The following TFF3 variants were observed in gnomAD, a reference collection of about 807,000 sequenced individuals.
The protein encoded by TFF3 is trefoil factor 3.
Under a neutral mutation model 9.7 loss-of-function variants are expected in TFF3, and 6 were observed. The ratio of observed to expected loss-of-function variants is 0.62; its 90% CI spans 0.34 to 1.22. The LOEUF is 1.22. Ranked by LOEUF, TFF3 falls within the 50% of genes most tolerant of loss-of-function variation. The pLI is 0.04. For missense variants in TFF3, 93 were observed against 98.6 expected (o/e 0.94, Z 0.24); for synonymous variants, 48 against 41.4 (o/e 1.16, Z -0.61).
chr21:42,312,644 G>T (rs1280338355), intron 2 of TFF3, among the ~76,000 whole-genome samples: 3 of 152,146 alleles, frequency 2.0e-5, no homozygotes, highest in Non-Finnish European at 4.4e-5. Flanking sequence ...ACTTGCTGGG[G>T]AGGGTGAAGG....
rs1371473529 is a variant in TFF3, at chr21:42,313,577, T to A, written c.137A>T (p.His46Leu). 6.2e-7 allele frequency: 1 copy of A among 1,611,206 alleles called. No individual in the cohort carries two copies. ...AKDRVDCGYP[H>L]VTPKECNNRG... ...GTTGTTGCACTCCTTGGGGGTGACATGGGGGTAGCCGCAGTCCACCCTGTC... is the reference window on the plus strand; with the variant it reads ...GTTGTTGCACTCCTTGGGGGTGACAAGGGGGTAGCCGCAGTCCACCCTGTC... The change falls in exon 2 of 3, where the codon CAT becomes CTT. Residue 46 changes from histidine to leucine, a missense_variant. Coordinates refer to ENST00000518498, the MANE Select transcript of TFF3 (RefSeq NM_003226.4). The surrounding 1 kb of genome is among the most constrained non-coding windows in gnomAD (Gnocchi z 4.0).
chr21:42,313,336 G>A lies in TFF3; in HGVS notation c.229+149C>T. Reference sequence around the variant, plus strand: ...TGGCCATGGCTGCCCTAAGTGTGAAGCCTCTGCTCTGAGGCCTTGGAACAG... The same window carrying A: ...TGGCCATGGCTGCCCTAAGTGTGAAACCTCTGCTCTGAGGCCTTGGAACAG... On this transcript the variant is annotated intron_variant, in intron 2 of 2. Transcript: ENST00000518498. The surrounding 1 kb of genome is among the most constrained non-coding windows in gnomAD (Gnocchi z 4.0). 2 of 903,806 alleles carry A rather than the reference G, an allele frequency of 2.2e-6. No individual in the cohort carries two copies. Among genetic ancestry groups the A allele is most frequent in the Non-Finnish European group, 1.6e-6 (1 of 624,936 alleles). The allele number at this position is 903,806 out of a possible 1,614,324, so 56.0% of individuals were successfully genotyped here.
intron 2 of TFF3, 136 bp from the exon 3 acceptor site, chr21:42,312,405 C>T (rs544259426): frequency 2.9e-6 from 3 of 1,041,634 alleles, no homozygotes; most frequent in African/African-American, 3.1e-5. Flanking sequence ...GTTGAGTCCC[C>T]ACCACATGGG....
In TFF3 at chr21:42,313,368, G is replaced by T; in HGVS notation, c.229+117C>A. On this transcript the variant is annotated intron_variant, in intron 2 of 2. Coordinates refer to ENST00000518498, the MANE Select transcript of TFF3 (RefSeq NM_003226.4). This position sits in a 1 kb window ranked among gnomAD's most constrained non-coding sequence, Gnocchi z 4.0. ...CTCTGAGGCCTTGGAACAGGTGTGT[G>T]TGTGTGGCTTCCTGGGGTCCTTGTG... 2 of 1,264,804 alleles carry T rather than the reference G, an allele frequency of 1.6e-6. No individual in the cohort carries two copies. The highest frequency in any genetic ancestry group is 2.2e-6 in the Non-Finnish European group (2 of 926,788). The allele number at this position is 1,264,804 out of a possible 1,614,324, so 78.3% of individuals were successfully genotyped here. A position where few individuals can be genotyped will look rare whatever the true frequency, so the allele number is the denominator to read the frequency against.
intron 1 of TFF3, 120 bp downstream of exon 1, chr21:42,315,173 G>A (rs750132026): frequency 2.2e-4 from 291 of 1,331,774 alleles, no homozygotes; most frequent in South Asian, 1.4e-3. Context: ...AAGGGCTAGC[G>A]CAGGAAAAAG....
rs547909909 is a variant in TFF3 at position 42,312,027 on chromosome 21, G to A, written c.*229C>T. On this transcript the variant is annotated 3_prime_UTR_variant, in exon 3 of 3. Transcript: ENST00000518498. The stretch of plus-strand genomic sequence containing the variant: ...TCCCGCCCTCTCCCACGACGCAGCA[G>A]AAATAAAGCACAACCTCAGAAAGTC... 1.1e-5 allele frequency: 8 copies of A among 719,168 alleles called. No homozygotes were observed. In the African/African-American group the frequency reaches 1.4e-4, roughly 13 times the overall value. 44.5% of individuals were successfully genotyped at this position (719,168 alleles called of 1,614,324 possible).
chr21:42,314,928 A>G (rs555972140), intron 1 of TFF3, among the ~76,000 whole-genome samples: 1 of 152,352 alleles, frequency 6.6e-6, no homozygotes, highest in East Asian at 1.9e-4. Flanking sequence ...TTCTGAAGTC[A>G]GGGTTTTTCT....
At chr21:42,312,459 G>A (rs1452384229) in intron 2 of TFF3, among the ~76,000 whole-genome samples, 190 bp from the exon 3 acceptor site, 1 of 152,218 alleles carries the variant, frequency 6.6e-6, no homozygotes, top group Non-Finnish European at 1.5e-5. Flanking sequence ...GCAAGATAGT[G>A]GGACCCAGGG....
At position 42,313,872 on chromosome 21, in the gene TFF3, G is replaced by A. The variant is rs1214942598; in HGVS notation, c.83-241C>T. Among the ~76,000 whole-genome samples, 1 of 152,110 alleles carries A rather than the reference G, an allele frequency of 6.6e-6. No individual in the cohort carries two copies. The highest frequency in any genetic ancestry group is 1.5e-5 in the Non-Finnish European group (1 of 68,016). Reference sequence around the variant, plus strand: ...GCCTAAGTGTCTTTCTCCTTGGCACGCTCTTATCACCTTCTCGGGAAGTCA... The same window carrying A: ...GCCTAAGTGTCTTTCTCCTTGGCACACTCTTATCACCTTCTCGGGAAGTCA... On this transcript the variant is annotated intron_variant, in intron 1 of 2. Coordinates refer to ENST00000518498, the MANE Select transcript of TFF3 (RefSeq NM_003226.4). This position sits in a 1 kb window ranked among gnomAD's most constrained non-coding sequence, Gnocchi z 4.0.
intron 2 of TFF3, among the ~76,000 whole-genome samples, chr21:42,312,850 C>T (rs1268184722): frequency 6.6e-6 from 1 of 152,152 alleles, no homozygotes; most frequent in South Asian, 2.1e-4. Flanking sequence ...AGCCAATCGC[C>T]CCACCCACGA....
Position 42,311,900 on chromosome 21 carries a change from C to T in TFF3, c.*356G>A, listed in dbSNP as rs1433283851. 7 of 476,464 alleles carry T rather than the reference C, an allele frequency of 1.5e-5. No individual in the cohort carries two copies. Among genetic ancestry groups the T allele is most frequent in the Admixed American group, 3.6e-5 (1 of 27,888 alleles). The allele number at this position is 476,464 out of a possible 1,614,324, so 29.5% of individuals were successfully genotyped here. A position where few individuals can be genotyped will look rare whatever the true frequency, so the allele number is the denominator to read the frequency against. ...ACAGTGTTCCTAGGCTTTCCTGTGA[C>T]GTGGGTGCCAGTCTGGATTCAAAAT... On this transcript the variant is annotated 3_prime_UTR_variant, in exon 3 of 3. Coordinates refer to ENST00000518498, the MANE Select transcript of TFF3 (RefSeq NM_003226.4).
intron 1 of TFF3, among the ~76,000 whole-genome samples, chr21:42,314,675 A>G (rs1241986240): frequency 6.6e-6 from 1 of 152,220 alleles, no homozygotes; most frequent in Non-Finnish European, 1.5e-5. Flanking sequence ...TGAGGCCTGG[A>G]TCTTGCCTGG....
chr21:42,315,352 A>G lies in TFF3; in HGVS notation c.23T>C (p.Met8Thr), dbSNP rs759007448. MAARALC[M>T]LGLVLALLSS... is the part of the protein sequence containing the mutation. ...CAGCAAGGCCAGGACCAGCCCCAGC[A>G]TGCAGAGCGCTCTGGCAGCCATGAC... The change falls in exon 1 of 3, where the codon ATG becomes ACG. Residue 8 changes from methionine to threonine, a missense_variant. Physicochemically the swap from Met to Thr is moderately conservative, Grantham distance 81. Transcript: ENST00000518498. The G allele has an allele frequency of 1.9e-6, 3 of 1,614,188 alleles. No individual in the cohort carries two copies. Among genetic ancestry groups the G allele is most frequent in the Non-Finnish European group, 2.5e-6 (3 of 1,180,024 alleles).
At position 42,312,268 on chromosome 21, in the gene TFF3, T is replaced by C. The variant is rs2069335168; in HGVS notation, c.231A>G (p.Glu77=). The C allele has an allele frequency of 6.2e-7, 1 of 1,609,020 alleles. No homozygotes were observed. The highest frequency in any genetic ancestry group is 8.5e-7 in the Non-Finnish European group (1 of 1,177,546). The change falls in exon 3 of 3, where the codon GAA becomes GAG. Residue 77 remains glutamate, a splice_region_variant and synonymous_variant. Transcript: ENST00000518498. ...PWCFKPLQEA[E]CTF ...AGCTGGAGGTGCCTCAGAAGGTGCATTCTGCAAACAGAGCAAAGGCTTGTG... is the reference window on the plus strand; with the variant it reads ...AGCTGGAGGTGCCTCAGAAGGTGCACTCTGCAAACAGAGCAAAGGCTTGTG...
rs762238589 is a variant in TFF3, at chr21:42,313,720, C to T, written c.83-89G>A. 24 of 1,442,312 alleles carry T rather than the reference C, an allele frequency of 1.7e-5. No individual in the cohort carries two copies. In the Middle Eastern group the frequency reaches 7.3e-4, roughly 44 times the overall value. 89.3% of individuals were successfully genotyped at this position (1,442,312 alleles called of 1,614,324 possible). ...TTCACTTTGCAAGTTTGCATCCTCC[C>T]GCTCCGCCCCACCCCGCCGAGTTCA... is the stretch of plus-strand genomic sequence containing the variant. On this transcript the variant is annotated intron_variant, in intron 1 of 2. Transcript: ENST00000518498. This position sits in a 1 kb window ranked among gnomAD's most constrained non-coding sequence, Gnocchi z 4.0.
In TFF3 at chr21:42,313,383, G is replaced by T; in HGVS notation, c.229+102C>A. 1 of 1,400,706 alleles carries T rather than the reference G, an allele frequency of 7.1e-7. No individual in the cohort carries two copies. The highest frequency in any genetic ancestry group is 2.4e-5 in the East Asian group (1 of 40,826). The allele number at this position is 1,400,706 out of a possible 1,614,324, so 86.8% of individuals were successfully genotyped here. On this transcript the variant is annotated intron_variant, in intron 2 of 2. Transcript: ENST00000518498. This position sits in a 1 kb window ranked among gnomAD's most constrained non-coding sequence, Gnocchi z 4.0. ...ACAGGTGTGTGTGTGTGGCTTCCTG[G>T]GGTCCTTGTGCCTCCATCTCCAGCC... is the stretch of plus-strand genomic sequence containing the variant.
rs373136844 is a variant in TFF3 at position 42,313,588 on chromosome 21, G to A, written c.126C>T (p.Cys42=). Residue 42 remains cysteine, a synonymous_variant, in exon 2 of 3, where the codon TGC becomes TGT. Coordinates refer to ENST00000518498, the MANE Select transcript of TFF3 (RefSeq NM_003226.4). The surrounding 1 kb of genome is among the most constrained non-coding windows in gnomAD (Gnocchi z 4.0). ...CCTTGGGGGTGACATGGGGGTAGCCGCAGTCCACCCTGTCCTTGGCTGGCA... is the reference window on the plus strand; with the variant it reads ...CCTTGGGGGTGACATGGGGGTAGCCACAGTCCACCCTGTCCTTGGCTGGCA... The part of the protein sequence containing the change: ...CAVPAKDRVD[C]GYPHVTPKEC... 12 of 1,610,934 alleles carry A rather than the reference G, an allele frequency of 7.4e-6. No homozygotes were observed. The highest frequency in any genetic ancestry group is 1.3e-5 in the African/African-American group (1 of 74,786).
chr21:42,311,999 C>T lies in TFF3; in HGVS notation c.*257G>A, dbSNP rs1030771980. 1 of 672,582 alleles carries T rather than the reference C, an allele frequency of 1.5e-6. No individual in the cohort carries two copies. The highest frequency in any genetic ancestry group is 2.7e-6 in the Non-Finnish European group (1 of 365,670). The allele number at this position is 672,582 out of a possible 1,614,324, so 41.7% of individuals were successfully genotyped here. A position where few individuals can be genotyped will look rare whatever the true frequency, so the allele number is the denominator to read the frequency against. On this transcript the variant is annotated 3_prime_UTR_variant, in exon 3 of 3. Coordinates refer to ENST00000518498, the MANE Select transcript of TFF3 (RefSeq NM_003226.4). Reference sequence around the variant, plus strand: ...GGCCTGGGCAGACTCTCCCCTGACACCCTCCCGCCCTCTCCCACGACGCAG... The same window carrying T: ...GGCCTGGGCAGACTCTCCCCTGACATCCTCCCGCCCTCTCCCACGACGCAG...
chr21:42,312,015 C>A lies in TFF3; in HGVS notation c.*241G>T. 1 of 706,224 alleles carries A rather than the reference C, an allele frequency of 1.4e-6. No homozygotes were observed. The highest frequency in any genetic ancestry group is 2.0e-5 in the Admixed American group (1 of 49,346). 43.7% of individuals were successfully genotyped at this position (706,224 alleles called of 1,614,324 possible). The stretch of plus-strand genomic sequence containing the variant: ...CCCCTGACACCCTCCCGCCCTCTCC[C>A]ACGACGCAGCAGAAATAAAGCACAA... On this transcript the variant is annotated 3_prime_UTR_variant, in exon 3 of 3. Coordinates refer to ENST00000518498, the MANE Select transcript of TFF3 (RefSeq NM_003226.4).
Sources: gnomAD v4.1 joint callset for allele counts (sites outside exome capture counted in the v4.1 genomes callset) on GRCh38, gnomAD v4.1.1 for gene constraint, Gnocchi (gnomAD v3.1) non-coding constraint, MANE v1.5 for transcripts, NCBI Gene and HGNC (gene_info 2026-07-23, HGNC 2026-07-21) for gene names.